Variants in GAN observed in about 807,000 individuals in gnomAD.
The protein encoded by GAN is epididymis secretory sperm binding protein.
Under a neutral mutation model 71.3 loss-of-function variants are expected in GAN, and 48 were observed. That is an observed-to-expected ratio of 0.67 (90% CI 0.53 to 0.86). The LOEUF is 0.86. Ranked by LOEUF, GAN falls within the 40% of genes least tolerant of loss-of-function variation. The pLI is 0.00. For synonymous variants in GAN, 386 were observed against 276.8 expected (o/e 1.39, Z -3.92); for missense variants, 928 against 770.1 (o/e 1.21, Z -2.43).
At chr16:81,370,569 A>C (rs1267528148) in intron 9 of GAN, among the ~76,000 whole-genome samples, 1 of 152,248 alleles carries the variant, frequency 6.6e-6, no homozygotes, top group African/African-American at 2.4e-5. Flanking sequence ...TCCCCATCCC[A>C]CAGGGCTGAG....
At chr16:81,323,342 C>T (rs942720157) in intron 1 of GAN, among the ~76,000 whole-genome samples, 2 of 152,224 alleles carry the variant, frequency 1.3e-5, no homozygotes, top group African/African-American at 4.8e-5. Context: ...GAATAGACAT[C>T]TCATTTTTAT....
intron 1 of GAN, among the ~76,000 whole-genome samples, chr16:81,323,317 C>T (rs1287928966): frequency 6.6e-6 from 1 of 152,154 alleles, no homozygotes; most frequent in Admixed American, 6.5e-5. Context: ...ACAATGCCTG[C>T]TGTTGGTAGG....
intron 8 of GAN, 87 bp from the exon 9 acceptor site, chr16:81,365,263 C>T (rs1910813838): frequency 7.0e-6 from 11 of 1,575,752 alleles, no homozygotes; most frequent in Non-Finnish European, 9.6e-6. Flanking sequence ...AGTAATGCTG[C>T]AGAGTTAAAC....
intron 1 of GAN, among the ~76,000 whole-genome samples, chr16:81,319,527 T>C (rs1909157965): frequency 6.6e-6 from 1 of 152,132 alleles, no homozygotes; most frequent in Non-Finnish European, 1.5e-5. Context: ...TGCAGTGACA[T>C]TATGGTGGCT....
chr16:81,354,460 T>G lies in GAN; in HGVS notation c.338T>G (p.Leu113Arg), dbSNP rs1910417649. 6.2e-7 allele frequency: 1 copy of G among 1,614,114 alleles called. No individual in the cohort carries two copies. Among genetic ancestry groups the G allele is most frequent in the Admixed American group, 1.7e-5 (1 of 60,034 alleles). The change falls in exon 3 of 11, where the codon CTA (leucine) becomes CGA (arginine). Residue 113 changes from leucine to arginine, a missense_variant. Leu to Arg is a moderately radical substitution (Grantham distance 102). Coordinates refer to ENST00000648994, the MANE Select transcript of GAN (RefSeq NM_022041.4). ...QDVVQAADLL[L>R]LTDLKTLCCE... The stretch of plus-strand genomic sequence containing the variant: ...GTTGTTCAGGCAGCTGACCTGCTGC[T>G]ACTGACGGACCTTAAAACCCTGTGC...
intron 9 of GAN, among the ~76,000 whole-genome samples, chr16:81,366,481 T>G (rs1910861235): frequency 6.6e-6 from 1 of 152,170 alleles, no homozygotes; most frequent in Non-Finnish European, 1.5e-5. Context: ...AAGGGGAAAT[T>G]GCTGTGCTAA....
intron 1 of GAN, among the ~76,000 whole-genome samples, chr16:81,324,960 C>G (rs1909334484): frequency 2.0e-5 from 3 of 152,134 alleles, no homozygotes; most frequent in African/African-American, 4.8e-5. Flanking sequence ...GACACAGCAG[C>G]TGGATTACAG....
At chr16:81,337,042 G>C (rs1909787356) in intron 1 of GAN, among the ~76,000 whole-genome samples, 1 of 151,984 alleles carries the variant, frequency 6.6e-6, no homozygotes, top group Non-Finnish European at 1.5e-5. Flanking sequence ...CACTATTACA[G>C]TATCACCCAG....
chr16:81,334,918 T>G (rs1226491343), intron 1 of GAN, among the ~76,000 whole-genome samples: 1 of 152,188 alleles, frequency 6.6e-6, no homozygotes, highest in African/African-American at 2.4e-5. Context: ...CAGTACCATT[T>G]TATTTGGTAT....
At position 81,378,316 on chromosome 16, in the gene GAN, C is replaced by G. The variant is rs1423133401; in HGVS notation, c.*720C>G. The G allele has an allele frequency of 1.3e-5, 2 of 153,296 alleles. No individual in the cohort carries two copies. The highest frequency in any genetic ancestry group is 4.8e-5 in the African/African-American group (2 of 41,442). The allele number at this position is 153,296 out of a possible 1,614,324, so 9.5% of individuals were successfully genotyped here. On this transcript the variant is annotated 3_prime_UTR_variant, in exon 11 of 11. Transcript: ENST00000648994. ...TGCTCGCTTCTGTGTTGACTTAGAT[C>G]AAGACACGTCACGCATCCTTTCTGG...
intron 5 of GAN, among the ~76,000 whole-genome samples, chr16:81,362,287 C>A (rs1415054038): frequency 2.0e-5 from 3 of 152,118 alleles, no homozygotes; most frequent in Non-Finnish European, 4.4e-5. Flanking sequence ...GTGGAAATCC[C>A]CTCAAAGACA....
At chr16:81,331,313 T>A (rs780017260) in intron 1 of GAN, among the ~76,000 whole-genome samples, 4 of 152,208 alleles carry the variant, frequency 2.6e-5, no homozygotes, top group Non-Finnish European at 1.5e-5. Flanking sequence ...AAACTGTCAC[T>A]GATTAGAGAC....
rs1415458845 is a variant in GAN, at chr16:81,383,545, C to T, written c.*5949C>T. On this transcript the variant is annotated 3_prime_UTR_variant, in exon 11 of 11. Coordinates refer to ENST00000648994, the MANE Select transcript of GAN (RefSeq NM_022041.4). ...TGGATTACAGGTGTGAGCCACCTCGCCTGCCCTCTTTTTTTTTTTTTATTT... is the reference window on the plus strand; with the variant it reads ...TGGATTACAGGTGTGAGCCACCTCGTCTGCCCTCTTTTTTTTTTTTTATTT... The T allele has an allele frequency of 6.6e-6, 1 of 151,514 alleles. No homozygotes were observed. Among genetic ancestry groups the T allele is most frequent in the Non-Finnish European group, 1.5e-5 (1 of 67,872 alleles). 9.4% of individuals were successfully genotyped at this position (151,514 alleles called of 1,614,324 possible).
chr16:81,325,268 A>T (rs1269947042), intron 1 of GAN, among the ~76,000 whole-genome samples: 1 of 152,256 alleles, frequency 6.6e-6, no homozygotes, highest in African/African-American at 2.4e-5. Context: ...TAGCTGTAGG[A>T]ATTGCGAGGG....
rs749394072 is a variant in GAN at position 81,379,949 on chromosome 16, A to G, written c.*2353A>G. 17 of 152,248 alleles carry G rather than the reference A, an allele frequency of 1.1e-4. No homozygotes were observed. Among genetic ancestry groups the G allele is most frequent in the Non-Finnish European group, 2.1e-4 (14 of 67,984 alleles). 9.4% of individuals were successfully genotyped at this position (152,248 alleles called of 1,614,324 possible). On this transcript the variant is annotated 3_prime_UTR_variant, in exon 11 of 11. Transcript: ENST00000648994. ...TTTTTAATTTCAGTTCATTGACTCTATAACTGCAGAAATTAGATAATGTTT... is the reference window on the plus strand; with the variant it reads ...TTTTTAATTTCAGTTCATTGACTCTGTAACTGCAGAAATTAGATAATGTTT...
chr16:81,370,849 T>C (rs1350435694), intron 9 of GAN, among the ~76,000 whole-genome samples: 1 of 152,268 alleles, frequency 6.6e-6, no homozygotes, highest in Non-Finnish European at 1.5e-5. Flanking sequence ...ACTTTGGGTT[T>C]CTTTTACTCT....
intron 1 of GAN, among the ~76,000 whole-genome samples, chr16:81,336,477 A>C (rs184865499): frequency 3.4e-4 from 51 of 152,078 alleles, no homozygotes; most frequent in African/African-American, 1.2e-3. Flanking sequence ...GTATTTATTT[A>C]TTTTGAGATA....
intron 1 of GAN, among the ~76,000 whole-genome samples, chr16:81,344,836 T>A (rs1027319138): frequency 2.0e-4 from 30 of 151,928 alleles, no homozygotes; most frequent in Non-Finnish European, 3.1e-4. Context: ...TGGGAGAAAA[T>A]TTTTGCAATC....
rs530980903 is a variant in GAN, at chr16:81,346,124, C to A, written c.168-5459C>A. 3.9e-5 allele frequency among the ~76,000 whole-genome samples: 6 copies of A among 152,258 alleles called. No individual in the cohort carries two copies. The East Asian group carries it at 9.6e-4, about 24-fold the overall frequency. On this transcript the variant is annotated intron_variant, in intron 1 of 10. Transcript: ENST00000648994. ...TAAATTTTTTAGTGGCTGTTAGTGT[C>A]CATCTGGGTCTAGTCAGGAGAGAGA...
Sources: gnomAD v4.1 joint callset for allele counts (sites outside exome capture counted in the v4.1 genomes callset) on GRCh38, gnomAD v4.1.1 for gene constraint, MANE v1.5 for transcripts, NCBI Gene and HGNC (gene_info 2026-07-23, HGNC 2026-07-21) for gene names.